PRKG1: variants seen among roughly 807,000 people sequenced by gnomAD.
The protein encoded by PRKG1 is cGMP-dependent protein kinase 1.
PRKG1 carries 35 observed loss-of-function variants against 88.1 expected under a neutral mutation model. The ratio of observed to expected loss-of-function variants is 0.40; its 90% CI spans 0.30 to 0.53. PRKG1 has a LOEUF of 0.53. Among genes scored for constraint, PRKG1 ranks in the 20% least tolerant of loss-of-function variants. The pLI is 0.59. For missense variants in PRKG1, 540 were observed against 839.8 expected (o/e 0.64, Z 4.41); for synonymous variants, 303 against 292.5 (o/e 1.04, Z -0.37).
chr10:52,011,977 T>C (rs1426240788), intron 5 of PRKG1, among the ~76,000 whole-genome samples: 1 of 152,114 alleles, frequency 6.6e-6, no homozygotes, highest in African/African-American at 2.4e-5. Context: ...CCTTTTACCT[T>C]CCTCCCGGCC....
At chr10:51,330,766 C>G (rs865829204) in intron 2 of PRKG1, among the ~76,000 whole-genome samples, 38 of 152,156 alleles carry the variant, frequency 2.5e-4, no homozygotes, top group African/African-American at 8.2e-4. Context: ...TTGGAGTTTG[C>G]TGAGCCTTCT....
chr10:51,825,200 A>T (rs963289538), intron 4 of PRKG1, among the ~76,000 whole-genome samples: 1 of 152,154 alleles, frequency 6.6e-6, no homozygotes, highest in South Asian at 2.1e-4. Flanking sequence ...TGGAGTATAC[A>T]TGTACATTTT....
intron 1 of PRKG1, among the ~76,000 whole-genome samples, chr10:50,996,718 T>C (rs1564565825): frequency 6.6e-6 from 1 of 152,340 alleles, no homozygotes; most frequent in Non-Finnish European, 1.5e-5. Flanking sequence ...GAATACCCTT[T>C]GCTATTTGTC....
At chr10:51,290,539 A>T (rs962804047) in intron 2 of PRKG1, among the ~76,000 whole-genome samples, 1 of 152,294 alleles carries the variant, frequency 6.6e-6, no homozygotes, top group Middle Eastern at 3.4e-3. Context: ...TAGCTCTCAA[A>T]TCTATGATAG....
At chr10:51,891,814 A>T (rs964062040) in intron 4 of PRKG1, among the ~76,000 whole-genome samples, 3 of 152,234 alleles carry the variant, frequency 2.0e-5, no homozygotes, top group Middle Eastern at 6.3e-3. Flanking sequence ...TTACAAAAAT[A>T]GGTAGTGGAT....
intron 9 of PRKG1, among the ~76,000 whole-genome samples, chr10:52,181,768 A>G (rs1839038755): frequency 1.2e-5 from 1 of 81,778 alleles, no homozygotes; most frequent in African/African-American, 4.6e-5. Context: ...TGAACTCATC[A>G]TCTTTTATGG....
intron 9 of PRKG1, among the ~76,000 whole-genome samples, chr10:52,165,413 T>A (rs1391184601): frequency 6.6e-6 from 1 of 152,182 alleles, no homozygotes; most frequent in African/African-American, 2.4e-5. Flanking sequence ...TTTCATTTTG[T>A]ATTTAAGGAA....
chr10:51,555,199 A>T (rs1387178483), intron 3 of PRKG1, among the ~76,000 whole-genome samples: 1 of 151,978 alleles, frequency 6.6e-6, no homozygotes, highest in Non-Finnish European at 1.5e-5. Flanking sequence ...AGTAGGAAAG[A>T]TGACTCTTTC....
intron 5 of PRKG1, among the ~76,000 whole-genome samples, chr10:51,917,794 C>A (rs1391312258): frequency 6.6e-6 from 1 of 152,096 alleles, no homozygotes; most frequent in Non-Finnish European, 1.5e-5. Flanking sequence ...AGTTCTAATT[C>A]TCAGTGATTT....
intron 6 of PRKG1, among the ~76,000 whole-genome samples, chr10:52,055,885 A>C (rs1273046023): frequency 1.3e-5 from 2 of 152,224 alleles, no homozygotes; most frequent in African/African-American, 4.8e-5. Flanking sequence ...AATAGAATGC[A>C]GTGGAAGATT....
At chr10:52,087,267 C>A (rs1445859791) in intron 7 of PRKG1, among the ~76,000 whole-genome samples, 1 of 152,064 alleles carries the variant, frequency 6.6e-6, no homozygotes, top group Non-Finnish European at 1.5e-5. Flanking sequence ...TGTAGTTTTT[C>A]AATTTTTATT....
chr10:52,098,833 G>A (rs2132561881), intron 7 of PRKG1, among the ~76,000 whole-genome samples: 1 of 152,258 alleles, frequency 6.6e-6, no homozygotes, highest in Non-Finnish European at 1.5e-5. Context: ...ATGAGTGGGT[G>A]AGAAATGTGT....
chr10:51,647,471 A>G (rs760199562), intron 3 of PRKG1, among the ~76,000 whole-genome samples: 1 of 152,208 alleles, frequency 6.6e-6, no homozygotes, highest in Non-Finnish European at 1.5e-5. Flanking sequence ...TCCTGGCTAA[A>G]TCACTAAACA....
At chr10:51,184,853 C>T (rs1013269220) in intron 2 of PRKG1, among the ~76,000 whole-genome samples, 12 of 152,092 alleles carry the variant, frequency 7.9e-5, no homozygotes, top group African/African-American at 2.7e-4. Context: ...AAGAGGCTGA[C>T]CTTCACCATT....
intron 9 of PRKG1, among the ~76,000 whole-genome samples, chr10:52,193,284 C>T (rs1383325938): frequency 1.3e-5 from 2 of 152,048 alleles, no homozygotes; most frequent in Admixed American, 1.3e-4. Context: ...GTGGTTCATG[C>T]CTGTAATCCC....
At chr10:51,075,000 T>G (rs1000856134) in intron 1 of PRKG1, 99 bp downstream of exon 1, 29 of 1,419,248 alleles carry the variant, frequency 2.0e-5, no homozygotes, top group Non-Finnish European at 2.4e-5. Context: ...CCGCTTGCCA[T>G]GTCTGTCCTC....
chr10:51,999,714 G>A (rs1844544590), intron 5 of PRKG1, among the ~76,000 whole-genome samples: 3 of 151,852 alleles, frequency 2.0e-5, no homozygotes, highest in African/African-American at 7.3e-5. Context: ...CCACTTTTTT[G>A]AGAGGATCTT....
chr10:52,226,146 T>C (rs186506434), intron 9 of PRKG1, among the ~76,000 whole-genome samples: 79 of 151,970 alleles, frequency 5.2e-4, no homozygotes, highest in African/African-American at 1.9e-3. Context: ...CATGATATCA[T>C]AAAACTGCCT....
intron 3 of PRKG1, among the ~76,000 whole-genome samples, chr10:51,657,439 G>A (rs1283835775): frequency 1.3e-5 from 2 of 152,070 alleles, no homozygotes; most frequent in Non-Finnish European, 1.5e-5. Context: ...ATTGTATGCA[G>A]GGCAATGCAG....
Sources: gnomAD v4.1 joint callset for allele counts (sites outside exome capture counted in the v4.1 genomes callset) on GRCh38, gnomAD v4.1.1 for gene constraint, MANE v1.5 for transcripts, NCBI Gene and HGNC (gene_info 2026-07-23, HGNC 2026-07-21) for gene names.